The following MEGF11 variants were observed in gnomAD, a reference collection of about 807,000 sequenced individuals.
MEGF11 encodes multiple EGF like domains 11, also known as multiple epidermal growth factor-like domains protein 11.
Under a neutral mutation model 146.6 loss-of-function variants are expected in MEGF11, and 126 were observed. The ratio of observed to expected loss-of-function variants is 0.86; its 90% CI spans 0.74 to 1.00. The LOEUF is 1.00. Ranked by LOEUF, MEGF11 falls within the 50% of genes least tolerant of loss-of-function variation. The pLI is 0.00. For missense variants in MEGF11, 1,509 were observed against 1,521.2 expected (o/e 0.99, Z 0.13); for synonymous variants, 532 against 583.4 (o/e 0.91, Z 1.27).
intron 10 of MEGF11, among the ~76,000 whole-genome samples, chr15:65,951,981 A>G (rs1478103341): frequency 6.6e-6 from 1 of 152,214 alleles, no homozygotes; most frequent in Non-Finnish European, 1.5e-5. Context: ...CAGCCTGGGC[A>G]ATAGAACGAG....
At chr15:66,206,840 T>G (rs911977935) in intron 1 of MEGF11, among the ~76,000 whole-genome samples, 26 of 151,908 alleles carry the variant, frequency 1.7e-4, no homozygotes, top group African/African-American at 6.1e-4. Flanking sequence ...GAAGTGGAGG[T>G]TGCAGTGAGC....
intron 1 of MEGF11, among the ~76,000 whole-genome samples, chr15:66,201,662 A>G (rs1739385639): frequency 6.6e-6 from 1 of 151,338 alleles, no homozygotes; most frequent in Admixed American, 6.6e-5. Flanking sequence ...CAGGCCGGGT[A>G]CGGTGGCTCA....
chr15:65,944,406 G>A (rs978058195), intron 10 of MEGF11, among the ~76,000 whole-genome samples: 2 of 152,178 alleles, frequency 1.3e-5, no homozygotes, highest in African/African-American at 4.8e-5. Context: ...GGTATTCGAG[G>A]GAATGGGCAG....
chr15:66,241,786 C>G (rs1012447889), intron 1 of MEGF11, among the ~76,000 whole-genome samples: 5 of 152,158 alleles, frequency 3.3e-5, no homozygotes, highest in Non-Finnish European at 7.3e-5. Context: ...CAGCTGCTCA[C>G]AGGCACAAAG....
rs561642904 is a variant in MEGF11, at chr15:66,027,800, G to A, written c.395-45312C>T. On this transcript the variant is annotated intron_variant, in intron 5 of 25. Transcript: ENST00000395614. ...CTCTCCTGTTGGCCTGATGTCCCCT[G>A]GAGAGCATTGGGCTTAGGATCAGAA... Among the ~76,000 whole-genome samples, 170 of 152,298 alleles carry A rather than the reference G, an allele frequency of 1.1e-3. 5 individuals are homozygous for A. In the South Asian group the frequency reaches 0.033, roughly 30 times the overall value.
intron 5 of MEGF11, among the ~76,000 whole-genome samples, chr15:66,035,295 G>A (rs1336114965): frequency 1.3e-5 from 2 of 152,086 alleles, no homozygotes; most frequent in Non-Finnish European, 2.9e-5. Flanking sequence ...TACTACTGCT[G>A]CTGCTGCCGC....
chr15:65,959,043 C>A (rs1167521470), intron 9 of MEGF11, among the ~76,000 whole-genome samples: 1 of 152,240 alleles, frequency 6.6e-6, no homozygotes, highest in African/African-American at 2.4e-5. Flanking sequence ...GGATCCCCAA[C>A]ACCTGGCTCA....
intron 1 of MEGF11, among the ~76,000 whole-genome samples, chr15:66,215,599 T>C (rs2091563400): frequency 6.6e-6 from 1 of 152,118 alleles, no homozygotes; most frequent in African/African-American, 2.4e-5. Flanking sequence ...GAGTGTACAA[T>C]TGACCTGGAC....
rs1567213481 is a variant in MEGF11, at chr15:66,039,814, C to CAGCCTTCT, written c.394+54587_394+54588insAGAAGGCT. Among the ~76,000 whole-genome samples, 122 of 80,236 alleles carry CAGCCTTCT rather than the reference C, an allele frequency of 1.5e-3. 2 individuals carry two copies. Among genetic ancestry groups the CAGCCTTCT allele is most frequent in the East Asian group, 4.6e-3 (6 of 1,296 alleles). The allele number at this position is 80,236 out of a possible 152,430, so 52.6% of individuals were successfully genotyped here. ...GGTCAGGCGGCGGTGGGGTGACGGT[C>CAGCCTTCT]CTGAGCCGGGTCAGGCGGCGGTGGG... On this transcript the variant is annotated intron_variant, in intron 5 of 25. Coordinates refer to ENST00000395614, the MANE Select transcript of MEGF11 (RefSeq NM_001385028.1).
At chr15:66,123,025 C>T (rs1235422651) in intron 3 of MEGF11, among the ~76,000 whole-genome samples, 3 of 152,132 alleles carry the variant, frequency 2.0e-5, no homozygotes, top group East Asian at 1.9e-4. Flanking sequence ...CCTTGTGATA[C>T]GCCCACCTCG....
At chr15:66,042,255 G>A (rs1357060211) in intron 5 of MEGF11, among the ~76,000 whole-genome samples, 2 of 151,848 alleles carry the variant, frequency 1.3e-5, no homozygotes, top group Non-Finnish European at 2.9e-5. Flanking sequence ...GATTATTGAC[G>A]CGCACCACCA....
At chr15:66,117,334 C>T (rs2087779944) in intron 4 of MEGF11, among the ~76,000 whole-genome samples, 1 of 152,050 alleles carries the variant, frequency 6.6e-6, no homozygotes, top group African/African-American at 2.4e-5. Flanking sequence ...AGCTTGATTT[C>T]CTGGTGGACC....
rs116939780 is a variant in MEGF11, at chr15:66,027,025, C to T, written c.395-44537G>A. On this transcript the variant is annotated intron_variant, in intron 5 of 25. Transcript: ENST00000395614. ...CAGTGATGTCTTGGTGCCTGTGATC[C>T]GCCTGATTATCTCTGGTAGCCCTCA... 1.6e-3 allele frequency among the ~76,000 whole-genome samples: 249 copies of T among 152,268 alleles called. 3 individuals carry two copies. In the East Asian group the frequency reaches 0.038, roughly 23 times the overall value.
At position 65,957,604 on chromosome 15, in the gene MEGF11, C is replaced by A. The variant is rs781083657; in HGVS notation, c.1230G>T (p.Gln410His). Residue 410 changes from glutamine (Q) to histidine (H), a missense_variant, in exon 10 of 26, where the codon CAG becomes CAT. By Grantham distance (24) the Gln-to-His change is conservative. Transcript: ENST00000395614. ...TGATGCTGTGGCAGTCGGCGCCATT[C>A]TGACAGGTGCAAGGCAGCTGGCAGC... ...GDGCQLPCTC[Q>H]NGADCHSITG... 1.2e-5 allele frequency: 19 copies of A among 1,613,854 alleles called. No individual in the cohort carries two copies. The highest frequency in any genetic ancestry group is 2.7e-5 in the African/African-American group (2 of 74,938).
intron 1 of MEGF11, among the ~76,000 whole-genome samples, chr15:66,130,910 G>T (rs1173479954): frequency 3.3e-5 from 5 of 152,292 alleles, no homozygotes; most frequent in Non-Finnish European, 7.4e-5. Context: ...AGATGACTGA[G>T]GGAAAATCAA....
At chr15:65,965,170 T>C (rs1443599452) in intron 8 of MEGF11, 50 bp from the exon 9 acceptor site, 5 of 1,454,034 alleles carry the variant, frequency 3.4e-6, no homozygotes, top group Non-Finnish European at 4.7e-6. Context: ...ATCCCTCACC[T>C]GTGCTTCAAG....
At chr15:65,917,304 T>C (rs2079032974) in intron 16 of MEGF11, among the ~76,000 whole-genome samples, 1 of 152,118 alleles carries the variant, frequency 6.6e-6, no homozygotes, top group Non-Finnish European at 1.5e-5. Context: ...TGTTTCCCCA[T>C]GAGAATGGGG....
intron 1 of MEGF11, among the ~76,000 whole-genome samples, chr15:66,218,142 C>T (rs1268232369): frequency 1.3e-5 from 2 of 152,136 alleles, no homozygotes; most frequent in Non-Finnish European, 2.9e-5. Flanking sequence ...TCGACAATCA[C>T]CTATATGTCC....
intron 8 of MEGF11, among the ~76,000 whole-genome samples, chr15:65,969,673 G>A (rs1220564314): frequency 3.9e-5 from 6 of 152,140 alleles, no homozygotes; most frequent in Admixed American, 1.3e-4. Flanking sequence ...CCTACATCCC[G>A]GCTTTCTGAT....
Sources: gnomAD v4.1 joint callset for allele counts (sites outside exome capture counted in the v4.1 genomes callset) on GRCh38, gnomAD v4.1.1 for gene constraint, MANE v1.5 for transcripts, NCBI Gene and HGNC (gene_info 2026-07-23, HGNC 2026-07-21) for gene names.